Variants in DAB1 observed in about 807,000 individuals in gnomAD.
The protein encoded by DAB1 is disabled homolog 1.
In DAB1, 15 loss-of-function variants were observed where a neutral mutation model predicts 64.6. The observed-to-expected ratio is 0.23, with a 90% CI of 0.16 to 0.36. The LOEUF is 0.36. Ranked by LOEUF, DAB1 falls within the 10% of genes least tolerant of loss-of-function variation. The pLI, the probability that DAB1 is intolerant of heterozygous loss-of-function variation, is 1.00. For synonymous variants in DAB1, 235 were observed against 251.9 expected (o/e 0.93, Z 0.64); for missense variants, 596 against 706.7 (o/e 0.84, Z 1.78).
chr1:58,308,607 C>T lies in DAB1; in HGVS notation n.309+34745G>A, dbSNP rs148877191. ...TAAGTAGATGCACTTAGCATCCAGC[C>T]ACTCTGAATGTCTTTAAGGATTCTC... On this transcript the variant is annotated intron_variant and non_coding_transcript_variant, in intron 4 of 20. Transcript: ENST00000485760. Among the ~76,000 whole-genome samples the T allele has an allele frequency of 2.9e-3, 435 of 152,256 alleles. 1 individual carries two copies. Among genetic ancestry groups the T allele is most frequent in the Non-Finnish European group, 4.1e-3 (277 of 68,000 alleles).
chr1:57,454,421 G>A (rs1686503059), intron 7 of DAB1, among the ~76,000 whole-genome samples: 1 of 152,012 alleles, frequency 6.6e-6, no homozygotes, highest in Non-Finnish European at 1.5e-5. Flanking sequence ...ACCAAATACT[G>A]CATGTTTTCA....
At position 57,077,371 on chromosome 1, in the gene DAB1, C is replaced by T. The variant is rs138202389; in HGVS notation, c.307-4957G>A. Among the ~76,000 whole-genome samples the T allele has an allele frequency of 2.3e-4, 35 of 152,040 alleles. 1 individual carries two copies. Among genetic ancestry groups the T allele is most frequent in the African/African-American group, 8.0e-4 (33 of 41,458 alleles). ...TGCACCTTCTGAACAGTAAGTGTTA[C>T]ATAATATTTCAGGAAGGCAGGCAGG... On this transcript the variant is annotated intron_variant, in intron 4 of 14. Coordinates refer to ENST00000371236, the MANE Select transcript of DAB1 (RefSeq NM_001365792.1).
intron 2 of DAB1, among the ~76,000 whole-genome samples, chr1:57,196,871 A>T (rs1252531363): frequency 6.6e-6 from 1 of 152,224 alleles, no homozygotes; most frequent in Admixed American, 6.5e-5. Context: ...ACAACTATAC[A>T]TGATAATAAC....
intron 3 of DAB1, among the ~76,000 whole-genome samples, chr1:58,347,986 C>T (rs1194799971): frequency 6.6e-6 from 1 of 152,190 alleles, no homozygotes; most frequent in Non-Finnish European, 1.5e-5. Context: ...CCAGCTCTCA[C>T]CAGGCCCTGA....
At chr1:57,221,698 T>G (rs1431271697) in intron 2 of DAB1, among the ~76,000 whole-genome samples, 1 of 152,128 alleles carries the variant, frequency 6.6e-6, no homozygotes, top group African/African-American at 2.4e-5. Context: ...AGTCACACTC[T>G]CCCTACTTTG....
intron 3 of DAB1, among the ~76,000 whole-genome samples, chr1:58,419,300 C>T (rs2100218061): frequency 6.6e-6 from 1 of 152,296 alleles, no homozygotes; most frequent in Admixed American, 6.5e-5. Flanking sequence ...TCTTACCTTC[C>T]ATTTCCTTGT....
intron 7 of DAB1, among the ~76,000 whole-genome samples, chr1:57,460,230 T>C (rs1205495486): frequency 1.3e-5 from 2 of 152,242 alleles, no homozygotes; most frequent in Non-Finnish European, 2.9e-5. Context: ...AGGATGAATT[T>C]CAGCCCTCAT....
chr1:58,008,051 G>C (rs1360941203), intron 5 of DAB1, among the ~76,000 whole-genome samples: 2 of 152,138 alleles, frequency 1.3e-5, no homozygotes, highest in Non-Finnish European at 2.9e-5. Context: ...AAGAGAAAAA[G>C]AATCACTATG....
chr1:58,162,543 G>A (rs1055325658), intron 4 of DAB1, among the ~76,000 whole-genome samples: 2 of 152,122 alleles, frequency 1.3e-5, no homozygotes, highest in African/African-American at 2.4e-5. Flanking sequence ...ACACCTTAGC[G>A]AAGGTCTTTC....
At chr1:57,615,024 C>T (rs1319715783) in intron 7 of DAB1, among the ~76,000 whole-genome samples, 1 of 151,806 alleles carries the variant, frequency 6.6e-6, no homozygotes, top group Non-Finnish European at 1.5e-5. Context: ...CACCCACCAC[C>T]GCGCCTGGCT....
chr1:58,491,117 C>G (rs908313135), intron 3 of DAB1, among the ~76,000 whole-genome samples: 2 of 151,990 alleles, frequency 1.3e-5, no homozygotes, highest in Non-Finnish European at 2.9e-5. Flanking sequence ...CTTCAACATA[C>G]TTAAAGAAAA....
chr1:57,828,096 C>G (rs868754656), intron 1 of DAB1, among the ~76,000 whole-genome samples: 1 of 152,148 alleles, frequency 6.6e-6, no homozygotes, highest in African/African-American at 2.4e-5. Context: ...CAGGCGCCCA[C>G]CACCATGCCT....
At chr1:57,303,987 C>T (rs916581354) in intron 1 of DAB1, among the ~76,000 whole-genome samples, 1 of 152,154 alleles carries the variant, frequency 6.6e-6, no homozygotes. Flanking sequence ...CTCTGATGCA[C>T]GTAACTATAC....
chr1:57,101,101 G>A (rs1387690884), intron 4 of DAB1, among the ~76,000 whole-genome samples: 3 of 152,044 alleles, frequency 2.0e-5, no homozygotes, highest in Non-Finnish European at 2.9e-5. Context: ...GCTCACCACA[G>A]GAGGCACTCT....
At chr1:57,359,398 C>A (rs1428360261) in intron 1 of DAB1, among the ~76,000 whole-genome samples, 1 of 151,884 alleles carries the variant, frequency 6.6e-6, no homozygotes, top group East Asian at 1.9e-4. Flanking sequence ...AAGATATCCC[C>A]CTACCCCAGT....
At chr1:58,391,827 A>G (rs187654008) in intron 3 of DAB1, among the ~76,000 whole-genome samples, 28 of 152,326 alleles carry the variant, frequency 1.8e-4, no homozygotes, top group African/African-American at 6.5e-4. Flanking sequence ...TCAAGATTCA[A>G]TCAGGAAAGC....
In DAB1 at chr1:57,205,776, A is replaced by G. The variant is rs1349968796; in HGVS notation, c.68-60347T>C. On this transcript the variant is annotated intron_variant, in intron 2 of 14. Transcript: ENST00000371236. ...ATCTCAAAGTTGAAGTTTTTTTACT[A>G]GGGCTTACATCTCTAGCAAACAAGC... is the stretch of plus-strand genomic sequence containing the variant. 2.0e-5 allele frequency among the ~76,000 whole-genome samples: 3 copies of G among 152,224 alleles called. No individual in the cohort carries two copies. The East Asian group carries it at 5.8e-4, about 29-fold the overall frequency.
intron 3 of DAB1, among the ~76,000 whole-genome samples, chr1:58,404,523 T>A (rs1422965274): frequency 6.6e-6 from 1 of 152,218 alleles, no homozygotes; most frequent in Non-Finnish European, 1.5e-5. Flanking sequence ...CTTGTCAGCC[T>A]TCAGGGCTTA....
intron 7 of DAB1, among the ~76,000 whole-genome samples, chr1:57,474,185 T>G (rs17115854): frequency 6.6e-6 from 1 of 152,190 alleles, no homozygotes; most frequent in South Asian, 2.1e-4. Context: ...CTGGAGAACT[T>G]GTACTTTTTA....
Sources: gnomAD v4.1 joint callset for allele counts (sites outside exome capture counted in the v4.1 genomes callset) on GRCh38, gnomAD v4.1.1 for gene constraint, MANE v1.5 for transcripts, NCBI Gene and HGNC (gene_info 2026-07-23, HGNC 2026-07-21) for gene names.